Variants in CELF2 observed in about 807,000 individuals in gnomAD.
CELF2 encodes CUG triplet repeat RNA-binding protein 2.
In CELF2, 8 loss-of-function variants were observed where a neutral mutation model predicts 62.6. That is an observed-to-expected ratio of 0.13 (90% CI 0.07 to 0.23). The LOEUF is 0.23. Ranked by LOEUF, CELF2 falls within the 10% of genes least tolerant of loss-of-function variation. CELF2 has a pLI of 1.00. For synonymous variants in CELF2, 258 were observed against 250.0 expected, an observed-to-expected ratio of 1.03 and a Z score of -0.30; for missense variants, 333 against 671.0, an observed-to-expected ratio of 0.50 and a Z score of 5.56.
chr10:11,108,488 A>G (rs2054260075), intron 1 of CELF2, among the ~76,000 whole-genome samples: 1 of 152,154 alleles, frequency 6.6e-6, no homozygotes, highest in Admixed American at 6.5e-5. Context: ...TTCCCCTGGT[A>G]ATAGCACTCT....
chr10:11,042,472 C>T lies in CELF2; in HGVS notation c.74+24309C>T, dbSNP rs1051998914. ...CTCACATTGATGTTTATTCTGACAG[C>T]GTAAGACTTTAACCTGGTGTGTCTT... On this transcript the variant is annotated intron_variant, in intron 1 of 12. Coordinates refer to ENST00000633077, the MANE Select transcript of CELF2 (RefSeq NM_001326342.2). 7.9e-5 allele frequency among the ~76,000 whole-genome samples: 12 copies of T among 152,190 alleles called. No individual in the cohort carries two copies. In the South Asian group the frequency reaches 8.3e-4, roughly 11 times the overall value.
At chr10:10,855,705 T>C (rs1405379985) in intron 1 of CELF2, among the ~76,000 whole-genome samples, 1 of 152,238 alleles carries the variant, frequency 6.6e-6, no homozygotes, top group Non-Finnish European at 1.5e-5. Context: ...GTTGCCAAAA[T>C]GTGTGCTATG....
chr10:10,643,418 A>G, the CELF2 span, among the ~76,000 whole-genome samples: 1 of 152,140 alleles, frequency 6.6e-6, no homozygotes, highest in African/African-American at 2.4e-5. Context: ...GCCTACCACC[A>G]TGTAAGACGT....
the CELF2 span, among the ~76,000 whole-genome samples, chr10:10,564,509 G>T: frequency 6.6e-6 from 1 of 152,052 alleles, no homozygotes; most frequent in Non-Finnish European, 1.5e-5. Flanking sequence ...TTATGACTAT[G>T]TAAAAGTCAC....
the CELF2 span, among the ~76,000 whole-genome samples, chr10:10,735,826 C>A: frequency 6.6e-6 from 1 of 152,142 alleles, no homozygotes; most frequent in Non-Finnish European, 1.5e-5. Context: ...GAAAGTTAAA[C>A]AACATTCTGT....
At chr10:10,770,277 A>G in the CELF2 span, among the ~76,000 whole-genome samples, 10 of 152,048 alleles carry the variant, frequency 6.6e-5, no homozygotes, top group Admixed American at 3.9e-4. Flanking sequence ...GGTTGCAGTA[A>G]GCCGAGGTCG....
intron 1 of CELF2, among the ~76,000 whole-genome samples, chr10:10,836,116 G>A (rs540321945): frequency 6.6e-6 from 1 of 152,108 alleles, no homozygotes; most frequent in African/African-American, 2.4e-5. Flanking sequence ...GAAGAATTCT[G>A]GGCTTGAGAT....
intron 2 of CELF2, among the ~76,000 whole-genome samples, chr10:10,958,927 C>G (rs1022735534): frequency 3.9e-5 from 6 of 152,094 alleles, no homozygotes; most frequent in African/African-American, 1.2e-4. Context: ...TTGACATTTA[C>G]AAGATAAGGC....
chr10:11,313,880 G>A (rs564735874), intron 9 of CELF2, among the ~76,000 whole-genome samples: 11 of 152,064 alleles, frequency 7.2e-5, no homozygotes, highest in Non-Finnish European at 1.6e-4. Flanking sequence ...ACCTGGCAGG[G>A]CAGGCCTCCC....
rs141143803 is a variant in CELF2, at chr10:11,157,469, A to G, written c.75-8017A>G. ...CATAGTTCAGAATGCCAAATGCCCAATCCCCTTGGCTTAATGAGTCACTTG... is the reference window on the plus strand; with the variant it reads ...CATAGTTCAGAATGCCAAATGCCCAGTCCCCTTGGCTTAATGAGTCACTTG... On this transcript the variant is annotated intron_variant, in intron 1 of 12. Coordinates refer to ENST00000633077, the MANE Select transcript of CELF2 (RefSeq NM_001326342.2). The surrounding 1 kb of genome is among the most constrained non-coding windows in gnomAD (Gnocchi z 4.9). Among the ~76,000 whole-genome samples, 1 of 152,310 alleles carries G rather than the reference A, an allele frequency of 6.6e-6. No homozygotes were observed. Among genetic ancestry groups the G allele is most frequent in the Non-Finnish European group, 1.5e-5 (1 of 68,028 alleles).
At chr10:11,020,050 A>G (rs1003496704) in intron 1 of CELF2, among the ~76,000 whole-genome samples, 2 of 152,210 alleles carry the variant, frequency 1.3e-5, no homozygotes, top group African/African-American at 4.8e-5. Flanking sequence ...TAAATTATGA[A>G]TTACAAAAAT....
chr10:10,954,630 A>T (rs2048706122), intron 2 of CELF2, among the ~76,000 whole-genome samples: 1 of 152,212 alleles, frequency 6.6e-6, no homozygotes, highest in Non-Finnish European at 1.5e-5. Flanking sequence ...TCACAGACAC[A>T]TTTGTTCGAA....
At chr10:10,636,755 C>T in the CELF2 span, among the ~76,000 whole-genome samples, 1 of 152,076 alleles carries the variant, frequency 6.6e-6, no homozygotes, top group African/African-American at 2.4e-5. Flanking sequence ...TAAGTATTTC[C>T]ACTGTCAATG....
chr10:10,826,678 A>G (rs1340882027), intron 1 of CELF2, among the ~76,000 whole-genome samples: 1 of 152,214 alleles, frequency 6.6e-6, no homozygotes, highest in Non-Finnish European at 1.5e-5. Context: ...CGAGATCCAG[A>G]TGATGAAATG....
intron 4 of CELF2, among the ~76,000 whole-genome samples, chr10:11,257,253 C>T (rs775478735): frequency 1.4e-5 from 2 of 146,244 alleles, no homozygotes; most frequent in Admixed American, 7.1e-5. Flanking sequence ...AAGTTTCATT[C>T]GCTGTTTCGC....
intron 1 of CELF2, among the ~76,000 whole-genome samples, chr10:11,141,782 T>C (rs1273534897): frequency 6.6e-6 from 1 of 152,232 alleles, no homozygotes; most frequent in Non-Finnish European, 1.5e-5. Flanking sequence ...TCAAGACATT[T>C]AGTCTAGTTG....
the CELF2 span, among the ~76,000 whole-genome samples, chr10:10,574,387 A>G: frequency 2.0e-5 from 3 of 152,184 alleles, no homozygotes; most frequent in Admixed American, 2.0e-4. Context: ...GCTGGGCAGG[A>G]AGAGATAATT....
chr10:10,809,369 T>C (rs1392699215), intron 1 of CELF2, among the ~76,000 whole-genome samples: 1 of 152,220 alleles, frequency 6.6e-6, no homozygotes, highest in African/African-American at 2.4e-5. Flanking sequence ...ACCCAGTCTA[T>C]GGTATTTCAT....
chr10:11,085,379 A>C (rs904702294), intron 1 of CELF2, among the ~76,000 whole-genome samples: 1 of 152,194 alleles, frequency 6.6e-6, no homozygotes, highest in African/African-American at 2.4e-5. Flanking sequence ...TCATTGAAAA[A>C]CATGGGGTAC....
Sources: gnomAD v4.1 joint callset for allele counts (sites outside exome capture counted in the v4.1 genomes callset) on GRCh38, gnomAD v4.1.1 for gene constraint, Gnocchi (gnomAD v3.1) non-coding constraint, MANE v1.5 for transcripts, NCBI Gene and HGNC (gene_info 2026-07-23, HGNC 2026-07-21) for gene names.